CES5A: variants seen among roughly 807,000 people sequenced by gnomAD.
The protein encoded by CES5A is carboxylesterase 5.
In CES5A, 67 loss-of-function variants were observed where a neutral mutation model predicts 62.9. The ratio of observed to expected loss-of-function variants is 1.07; its 90% CI spans 0.88 to 1.31. The LOEUF (loss-of-function observed/expected upper bound fraction) is 1.31. Ranked by LOEUF, CES5A falls within the 50% of genes most tolerant of loss-of-function variation. CES5A has a pLI of 0.00. For missense variants in CES5A, 748 were observed against 708.5 expected (o/e 1.06, Z -0.63); for synonymous variants, 296 against 280.8 (o/e 1.05, Z -0.54).
intron 4 of CES5A, among the ~76,000 whole-genome samples, chr16:55,867,018 C>T (rs1385161889): frequency 2.0e-5 from 3 of 152,154 alleles, no homozygotes; most frequent in Non-Finnish European, 4.4e-5. Flanking sequence ...CCCTTCTCTG[C>T]TCTGCCCCTC....
intron 1 of CES5A, among the ~76,000 whole-genome samples, chr16:55,919,329 G>A (rs1814480780): frequency 6.6e-6 from 1 of 152,360 alleles, no homozygotes; most frequent in East Asian, 1.9e-4. Context: ...AGGTCAAAGG[G>A]CTATGGAGAA....
intron 2 of CES5A, among the ~76,000 whole-genome samples, chr16:55,945,366 C>A (rs2034483737): frequency 6.6e-6 from 1 of 152,204 alleles, no homozygotes; most frequent in Non-Finnish European, 1.5e-5. Flanking sequence ...AGAATTTGAA[C>A]CTGGTCTGTC....
At chr16:55,947,462 A>C (rs1482460801) in intron 2 of CES5A, among the ~76,000 whole-genome samples, 2 of 152,196 alleles carry the variant, frequency 1.3e-5, no homozygotes, top group Admixed American at 6.5e-5. Flanking sequence ...CTCTGTGCTA[A>C]GTACTGTTCT....
Position 55,849,665 on chromosome 16 carries a change from A to G in CES5A, c.1382T>C (p.Val461Ala). 1 of 1,614,006 alleles carries G rather than the reference A, an allele frequency of 6.2e-7. No individual in the cohort carries two copies. The highest frequency in any genetic ancestry group is 8.5e-7 in the Non-Finnish European group (1 of 1,179,894). Residue 461 changes from valine to alanine, a missense_variant, in exon 11 of 13, where the codon GTG (valine) becomes GCG (alanine). Physicochemically the swap from Val to Ala is moderately conservative, Grantham distance 64. Transcript: ENST00000290567. ...KADHADEVRF[V>A]FGGAFLKGDI... ...CCCCTTCAGGAAGGCACCACCGAAC[A>G]CAAAGCGGACTTCATCAGCGTGGTC...
intron 6 of CES5A, 90 bp from the exon 7 acceptor site, chr16:55,861,606 G>T: frequency 2.3e-6 from 2 of 888,000 alleles, no homozygotes; most frequent in South Asian, 1.4e-5. Context: ...TCAGCCACAG[G>T]CTGGCCCTCC....
At chr16:55,907,003 T>A (rs2034045949) in intron 1 of CES5A, among the ~76,000 whole-genome samples, 1 of 152,218 alleles carries the variant, frequency 6.6e-6, no homozygotes, top group Admixed American at 6.5e-5. Context: ...TTGTAAAGAT[T>A]AAAAAGTTAT....
In CES5A at chr16:55,912,414, A is replaced by G. The variant is rs952104664; in HGVS notation, c.-256+12909T>C. 2.6e-5 allele frequency among the ~76,000 whole-genome samples: 4 copies of G among 152,152 alleles called. No homozygotes were observed. In the South Asian group the frequency reaches 8.3e-4, roughly 32 times the overall value. On this transcript the variant is annotated intron_variant, in intron 1 of 12. Transcript: ENST00000518005. ...TTCTGATTTTGTCTGCTAGGGTGGAAGGGAGCATTCGAGGAAAAAAACAAA... is the reference window on the plus strand; with the variant it reads ...TTCTGATTTTGTCTGCTAGGGTGGAGGGGAGCATTCGAGGAAAAAAACAAA...
At chr16:55,858,792 A>G (rs1275187975) in intron 8 of CES5A, among the ~76,000 whole-genome samples, 1 of 152,224 alleles carries the variant, frequency 6.6e-6, no homozygotes, top group Non-Finnish European at 1.5e-5. Flanking sequence ...TGAAAAGTTT[A>G]TTTCCAATGA....
At chr16:55,942,090 T>G (rs2034451955) in intron 2 of CES5A, among the ~76,000 whole-genome samples, 1 of 152,144 alleles carries the variant, frequency 6.6e-6, no homozygotes, top group South Asian at 2.1e-4. Context: ...AGACAGATCA[T>G]AGACCTAAGC....
At chr16:55,894,685 T>A (rs2033914524) in intron 1 of CES5A, among the ~76,000 whole-genome samples, 1 of 152,038 alleles carries the variant, frequency 6.6e-6, no homozygotes, top group African/African-American at 2.4e-5. Flanking sequence ...TAATAAAATC[T>A]TTACAATAAT....
chr16:55,954,812 T>C (rs1456493366), intron 1 of CES5A, among the ~76,000 whole-genome samples: 1 of 152,192 alleles, frequency 6.6e-6, no homozygotes, highest in Non-Finnish European at 1.5e-5. Context: ...GCATGTATAC[T>C]TTCCAAAGTA....
In CES5A at chr16:55,871,416, A is replaced by G. The variant is rs117045595; in HGVS notation, c.417+209T>C. Among the ~76,000 whole-genome samples, 1,216 of 152,362 alleles carry G rather than the reference A, an allele frequency of 8.0e-3. 6 individuals are homozygous for G. Among genetic ancestry groups the G allele is most frequent in the Non-Finnish European group, 0.013 (905 of 68,034 alleles). On this transcript the variant is annotated intron_variant, in intron 3 of 12. Coordinates refer to ENST00000290567, the MANE Select transcript of CES5A (RefSeq NM_001143685.2). ...GAAAACAAAACAAAATAAAAATTAA[A>G]AGTTAAGGCACTGCCAATAAAGAAT...
intron 1 of CES5A, among the ~76,000 whole-genome samples, chr16:55,884,387 T>G (rs762422586): frequency 1.1e-3 from 174 of 152,344 alleles, no homozygotes; most frequent in Non-Finnish European, 2.0e-3. Context: ...CAAACCCTCT[T>G]GTCTGATCCT....
At chr16:55,917,946 G>A (rs1464979661) in intron 1 of CES5A, among the ~76,000 whole-genome samples, 1 of 152,166 alleles carries the variant, frequency 6.6e-6, no homozygotes, top group African/African-American at 2.4e-5. Context: ...AACTGGATAA[G>A]TTGAAACTGT....
chr16:55,879,961 C>T (rs751431358), upstream of CES5A, among the ~76,000 whole-genome samples: 1 of 152,232 alleles, frequency 6.6e-6, no homozygotes, highest in Non-Finnish European at 1.5e-5. Flanking sequence ...TGAAAAACCA[C>T]TTCTTCCATG....
In CES5A at chr16:55,871,735, A is replaced by T; in HGVS notation, c.307T>A (p.Leu103Ile). The change falls in exon 3 of 13, where the codon TTA becomes ATA. Residue 103 changes from leucine (L) to isoleucine (I), a missense_variant. Coordinates refer to ENST00000290567, the MANE Select transcript of CES5A (RefSeq NM_001143685.2). ...TGCACCTTGAGCATATGTTGATCTAAGAGCAGCCACTCTGAGTTCTGGAGG... is the reference window on the plus strand; with the variant it reads ...TGCACCTTGAGCATATGTTGATCTATGAGCAGCCACTCTGAGTTCTGGAGG... Reference protein sequence around the residue: ...LCLQNSEWLLLDQHMLKVHYP... With the variant: ...LCLQNSEWLLIDQHMLKVHYP... 5 of 1,614,056 alleles carry T rather than the reference A, an allele frequency of 3.1e-6. No individual in the cohort carries two copies. The highest frequency in any genetic ancestry group is 4.2e-6 in the Non-Finnish European group (5 of 1,179,974).
chr16:55,893,263 A>G (rs2033899436), intron 1 of CES5A, among the ~76,000 whole-genome samples: 1 of 152,160 alleles, frequency 6.6e-6, no homozygotes, highest in African/African-American at 2.4e-5. Flanking sequence ...CCTCAGCTTA[A>G]TTTCTGCTTA....
At chr16:55,924,592 CA>C (rs2034240616) in intron 1 of CES5A, among the ~76,000 whole-genome samples, 1 of 151,766 alleles carries the variant, frequency 6.6e-6, no homozygotes, top group Non-Finnish European at 1.5e-5. Context: ...TATGGAATCA[CA>C]AAAGACCCTT....
At chr16:55,855,331 G>C (rs534186303) in intron 9 of CES5A, among the ~76,000 whole-genome samples, 30 of 152,348 alleles carry the variant, frequency 2.0e-4, no homozygotes, top group African/African-American at 6.5e-4. Flanking sequence ...AAGGAGAAAA[G>C]AAAGGAAGGA....
Sources: gnomAD v4.1 joint callset for allele counts (sites outside exome capture counted in the v4.1 genomes callset) on GRCh38, gnomAD v4.1.1 for gene constraint, MANE v1.5 for transcripts, NCBI Gene and HGNC (gene_info 2026-07-23, HGNC 2026-07-21) for gene names.